The following CHODL variants were observed in gnomAD, a reference collection of about 807,000 sequenced individuals.
CHODL encodes chondrolectin.
A neutral mutation model predicts 34.5 loss-of-function variants in CHODL; 29 were observed. The ratio of observed to expected loss-of-function variants is 0.84; its 90% CI spans 0.63 to 1.15. CHODL has a LOEUF of 1.15. Among genes scored for constraint, CHODL ranks in the 50% most tolerant of loss-of-function variants. The pLI is 0.00. For missense variants in CHODL, 332 were observed against 332.5 expected (o/e 1.00, Z 0.01); for synonymous variants, 125 against 116.1 (o/e 1.08, Z -0.49).
At chr21:18,178,378 C>T (rs2073341210) in intron 2 of CHODL, among the ~76,000 whole-genome samples, 1 of 152,028 alleles carries the variant, frequency 6.6e-6, no homozygotes, top group Admixed American at 6.6e-5. Context: ...TTCAGATTAT[C>T]ACAATTCATA....
intron 1 of CHODL, among the ~76,000 whole-genome samples, chr21:17,984,146 C>T (rs1183590404): frequency 7.9e-5 from 12 of 152,182 alleles, no homozygotes; most frequent in Non-Finnish European, 1.6e-4. Flanking sequence ...TAAGTGGAAT[C>T]ATGCAGTGGT....
Position 17,946,483 on chromosome 21 carries a change from G to T in CHODL, c.-145+29083G>T, listed in dbSNP as rs73321600. 7.5e-3 allele frequency among the ~76,000 whole-genome samples: 1,135 copies of T among 152,280 alleles called. 19 individuals carry two copies. Among genetic ancestry groups the T allele is most frequent in the African/African-American group, 0.026 (1,080 of 41,552 alleles). ...TCTGACTTACAAGAAATGTTAAAAG[G>T]AGTTTTCAAGCTGAAAAGAGGTATT... On this transcript the variant is annotated intron_variant, in intron 1 of 6. Coordinates refer to the CHODL transcript ENST00000400127.
chr21:17,995,929 C>G (rs1338244594), intron 1 of CHODL, among the ~76,000 whole-genome samples: 2 of 152,184 alleles, frequency 1.3e-5, no homozygotes, highest in African/African-American at 4.8e-5. Flanking sequence ...GTATTTGATC[C>G]ATTTTGTATT....
At chr21:17,957,347 TCTTTTA>T (rs1440922094) in intron 1 of CHODL, among the ~76,000 whole-genome samples, 1 of 152,202 alleles carries the variant, frequency 6.6e-6, no homozygotes. Flanking sequence ...TTACTTAAAA[TCTTTTA>T]CTGCTCCCTC....
Position 18,073,612 on chromosome 21 carries a change from G to A in CHODL, c.-45+45641G>A, listed in dbSNP as rs190067583. On this transcript the variant is annotated intron_variant, in intron 2 of 6. Coordinates refer to the CHODL transcript ENST00000400127. ...CATGAATTCTAATGATTATTCAACC[G>A]GCATTATTTATCTGAATTAAAAAGT... Among the ~76,000 whole-genome samples the A allele has an allele frequency of 4.6e-5, 7 of 151,680 alleles. No individual in the cohort carries two copies. The East Asian group carries it at 5.8e-4, about 13-fold the overall frequency.
intron 2 of CHODL, among the ~76,000 whole-genome samples, chr21:18,136,158 A>G (rs2072725855): frequency 6.6e-6 from 1 of 151,798 alleles, no homozygotes. Context: ...CTACAGTGAC[A>G]TCTCTGCCTT....
upstream of CHODL, among the ~76,000 whole-genome samples, chr21:18,243,506 A>G (rs73893042): frequency 6.6e-6 from 1 of 152,268 alleles, no homozygotes; most frequent in African/African-American, 2.4e-5. Flanking sequence ...AAGAAAAAGG[A>G]AGTGATAGAA....
chr21:18,248,009 C>A (rs1286288685), intron 1 of CHODL, among the ~76,000 whole-genome samples: 2 of 144,198 alleles, frequency 1.4e-5, no homozygotes, highest in Non-Finnish European at 3.1e-5. Context: ...TAATGTGTTT[C>A]TTTTTTTTTT....
chr21:18,011,353 C>G (rs1343861628), intron 1 of CHODL, among the ~76,000 whole-genome samples: 1 of 152,062 alleles, frequency 6.6e-6, no homozygotes, highest in Non-Finnish European at 1.5e-5. Flanking sequence ...TCTGAGTAGA[C>G]AGCAAGGCAA....
intron 2 of CHODL, among the ~76,000 whole-genome samples, chr21:18,215,574 A>T (rs2073819030): frequency 6.6e-6 from 1 of 152,162 alleles, no homozygotes; most frequent in East Asian, 1.9e-4. Context: ...TGAAATATAT[A>T]CTTACATCTG....
At chr21:18,164,354 A>C (rs910942728) in intron 2 of CHODL, among the ~76,000 whole-genome samples, 1 of 152,246 alleles carries the variant, frequency 6.6e-6, no homozygotes, top group African/African-American at 2.4e-5. Context: ...TTGCAGTGGC[A>C]CTTTAAAAAT....
At chr21:18,164,815 ATG>A (rs746138417) in intron 2 of CHODL, among the ~76,000 whole-genome samples, 1 of 152,122 alleles carries the variant, frequency 6.6e-6, no homozygotes, top group Non-Finnish European at 1.5e-5. Flanking sequence ...AACCCAGAAC[ATG>A]TGTGTCCCAG....
At chr21:18,162,420 T>G (rs1264270679) in intron 2 of CHODL, among the ~76,000 whole-genome samples, 1 of 151,520 alleles carries the variant, frequency 6.6e-6, no homozygotes, top group Non-Finnish European at 1.5e-5. Flanking sequence ...TTTCTCTCTC[T>G]CTCTCTCTCT....
In CHODL at chr21:18,094,001, C is replaced by A. The variant is rs188495849; in HGVS notation, c.-45+66030C>A. ...AACACACTTCACCTATAAAGATACA[C>A]ATAGACTGAAAATAAAGACATGGAA... On this transcript the variant is annotated intron_variant, in intron 2 of 6. Coordinates refer to the CHODL transcript ENST00000400127. 6.1e-4 allele frequency among the ~76,000 whole-genome samples: 93 copies of A among 152,134 alleles called. 1 individual carries two copies. The highest frequency in any genetic ancestry group is 1.0e-3 in the Non-Finnish European group (69 of 67,964).
intron 1 of CHODL, among the ~76,000 whole-genome samples, chr21:17,959,208 T>C (rs756009642): frequency 2.6e-5 from 4 of 152,090 alleles, no homozygotes; most frequent in Non-Finnish European, 5.9e-5. Flanking sequence ...TCTAAACCTA[T>C]TGAATCTTTC....
chr21:18,166,246 C>G (rs1016055682), intron 2 of CHODL, among the ~76,000 whole-genome samples: 2 of 152,194 alleles, frequency 1.3e-5, no homozygotes, highest in Admixed American at 1.3e-4. Flanking sequence ...GCCCCACAAG[C>G]TCTCCATTAG....
chr21:18,154,173 A>C (rs2824662), intron 2 of CHODL, among the ~76,000 whole-genome samples: 141,538 of 152,286 alleles, frequency 0.93, 66,044 homozygotes, highest in African/African-American at 0.98. Flanking sequence ...TGTATGTAAA[A>C]AGGCTTATGT....
intron 1 of CHODL, among the ~76,000 whole-genome samples, chr21:18,005,627 G>C (rs1464006863): frequency 4.6e-5 from 7 of 152,188 alleles, no homozygotes; most frequent in African/African-American, 1.7e-4. Context: ...TTTTGTGTAA[G>C]TCATGTCCAC....
chr21:18,171,697 T>C (rs2146660280), intron 2 of CHODL, among the ~76,000 whole-genome samples: 1 of 151,844 alleles, frequency 6.6e-6, no homozygotes, highest in Non-Finnish European at 1.5e-5. Flanking sequence ...TAATATGGCA[T>C]CTCTGAAAAT....
Sources: allele counts gnomAD v4.1 joint callset (sites outside exome capture counted in the v4.1 genomes callset), GRCh38; gene constraint gnomAD v4.1.1; transcripts MANE v1.5; gene names NCBI Gene and HGNC (gene_info 2026-07-23, HGNC 2026-07-21).